SLC24A2: variants seen among roughly 807,000 people sequenced by gnomAD.
The protein encoded by SLC24A2 is solute carrier family 24 member 2.
In SLC24A2, 36 loss-of-function variants were observed where a neutral mutation model predicts 62.0. The observed-to-expected ratio is 0.58, with a 90% CI of 0.44 to 0.77. The LOEUF is 0.77. SLC24A2 is among the 30% of genes least tolerant of loss of function. The pLI, the probability that SLC24A2 is intolerant of heterozygous loss-of-function variation, is 0.00. For synonymous variants in SLC24A2, 358 were observed against 294.0 expected, an observed-to-expected ratio of 1.22 and a Z score of -2.23; for missense variants, 846 against 817.9, an observed-to-expected ratio of 1.03 and a Z score of -0.42.
chr9:19,554,846 GCCTATA>G (rs1417127741), intron 7 of SLC24A2, among the ~76,000 whole-genome samples: 1 of 152,164 alleles, frequency 6.6e-6, no homozygotes, highest in African/African-American at 2.4e-5. Context: ...GCCCTGGACT[GCCTATA>G]CTGACTTGAG....
In SLC24A2 at chr9:19,522,171, G is replaced by C. The variant is rs1385277346; in HGVS notation, c.1570-1111C>G. Among the ~76,000 whole-genome samples the C allele has an allele frequency of 3.9e-5, 6 of 152,022 alleles. No homozygotes were observed. The South Asian group carries it at 6.2e-4, about 16-fold the overall frequency. ...CCACAGGTGAGCACTGCCACACCTG[G>C]CTAGTTTTTTTTAGAGATGGTTCTT... is the stretch of plus-strand genomic sequence containing the variant. On this transcript the variant is annotated intron_variant, in intron 9 of 10. Coordinates refer to ENST00000341998, the MANE Select transcript of SLC24A2 (RefSeq NM_020344.4).
intron 10 of SLC24A2, among the ~76,000 whole-genome samples, chr9:19,517,957 A>ACACACACTCT (rs71504202): frequency 7.4e-6 from 1 of 135,480 alleles, no homozygotes; most frequent in African/African-American, 2.7e-5. Context: ...ACACACACAC[A>ACACACACTCT]CTCTCACACT....
chr9:19,903,449 C>T, the SLC24A2 span, among the ~76,000 whole-genome samples: 1 of 152,178 alleles, frequency 6.6e-6, no homozygotes, highest in African/African-American at 2.4e-5. Context: ...CCAAATACCA[C>T]CACATTGGGG....
the SLC24A2 span, among the ~76,000 whole-genome samples, chr9:19,830,946 T>TAA: frequency 1.3e-5 from 2 of 152,170 alleles, no homozygotes; most frequent in Non-Finnish European, 2.9e-5. Context: ...ACCTATTTGG[T>TAA]GAAGGGTATT....
the SLC24A2 span, among the ~76,000 whole-genome samples, chr9:20,243,816 C>T: frequency 1.3e-5 from 2 of 152,142 alleles, no homozygotes; most frequent in African/African-American, 2.4e-5. Context: ...CTCCTGGGTC[C>T]ATTTTTGAGG....
chr9:20,265,234 C>G, the SLC24A2 span, among the ~76,000 whole-genome samples: 1 of 152,182 alleles, frequency 6.6e-6, no homozygotes, highest in Non-Finnish European at 1.5e-5. Context: ...CAGACACAGT[C>G]TACTGTGTGG....
At chr9:19,576,523 CT>C (rs1836016942) in intron 6 of SLC24A2, among the ~76,000 whole-genome samples, 1 of 152,152 alleles carries the variant, frequency 6.6e-6, no homozygotes, top group Non-Finnish European at 1.5e-5. Flanking sequence ...CCAGTCAAGA[CT>C]TACAGAAAGG....
In SLC24A2 at chr9:19,558,690, C is replaced by G. The variant is rs528138421; in HGVS notation, c.1348-8422G>C. On this transcript the variant is annotated intron_variant, in intron 7 of 10. Transcript: ENST00000341998. Reference sequence around the variant, plus strand: ...TCAACATTCAGTGTTCAAAGGCCAACAGAGCCCCATGAGAAGAATATGCAC... The same window carrying G: ...TCAACATTCAGTGTTCAAAGGCCAAGAGAGCCCCATGAGAAGAATATGCAC... 1.1e-4 allele frequency among the ~76,000 whole-genome samples: 17 copies of G among 152,322 alleles called. No individual in the cohort carries two copies. In the South Asian group the frequency reaches 3.1e-3, roughly 28 times the overall value.
chr9:20,288,548 C>T, the SLC24A2 span, among the ~76,000 whole-genome samples: 1 of 151,986 alleles, frequency 6.6e-6, no homozygotes, highest in African/African-American at 2.4e-5. Context: ...GCAGGTGGAT[C>T]ATTTGAGGCC....
chr9:19,929,410 A>C, the SLC24A2 span: 1 of 152,218 alleles, frequency 6.6e-6, no homozygotes, highest in East Asian at 1.9e-4. Flanking sequence ...ACAATCATGC[A>C]CTGCATAACA....
chr9:19,738,376 G>T (rs1165038487), intron 2 of SLC24A2, among the ~76,000 whole-genome samples: 3 of 152,098 alleles, frequency 2.0e-5, no homozygotes, highest in African/African-American at 7.2e-5. Flanking sequence ...GGGTAAAAGT[G>T]GACATTTAGG....
chr9:19,823,297 T>TTGTG, the SLC24A2 span, among the ~76,000 whole-genome samples: 33 of 150,142 alleles, frequency 2.2e-4, no homozygotes, highest in Admixed American at 1.3e-3. Context: ...TGTATTAACA[T>TTGTG]TGTGTGTGTG....
intron 2 of SLC24A2, among the ~76,000 whole-genome samples, chr9:19,682,312 A>G (rs892892555): frequency 2.0e-5 from 3 of 152,168 alleles, no homozygotes; most frequent in African/African-American, 7.2e-5. Context: ...AGACGGTTGC[A>G]TACAGAAGTA....
chr9:20,084,821 G>A, the SLC24A2 span, among the ~76,000 whole-genome samples: 1 of 152,212 alleles, frequency 6.6e-6, no homozygotes, highest in Non-Finnish European at 1.5e-5. Context: ...ATTATGCTCA[G>A]TTTTGAAAAA....
At chr9:19,863,890 C>T in the SLC24A2 span, among the ~76,000 whole-genome samples, 8 of 151,242 alleles carry the variant, frequency 5.3e-5, no homozygotes, top group Admixed American at 1.3e-4. Flanking sequence ...AAAAGATCAA[C>T]GAAACAAAAA....
intron 5 of SLC24A2, among the ~76,000 whole-genome samples, chr9:19,588,806 C>T (rs1381363675): frequency 1.3e-5 from 2 of 152,136 alleles, no homozygotes; most frequent in Non-Finnish European, 2.9e-5. Context: ...ACTAAAAATA[C>T]AAAAATTAGC....
the SLC24A2 span, among the ~76,000 whole-genome samples, chr9:20,071,450 CG>C: frequency 1.3e-5 from 2 of 152,104 alleles, no homozygotes; most frequent in Non-Finnish European, 2.9e-5. Context: ...ACTTTGAGCT[CG>C]GGATGGAGGA....
chr9:19,641,199 T>C (rs1044044040), intron 2 of SLC24A2, among the ~76,000 whole-genome samples: 1 of 152,244 alleles, frequency 6.6e-6, no homozygotes, highest in African/African-American at 2.4e-5. Context: ...CTGTTGATTC[T>C]CTCATGGTTG....
At chr9:20,142,477 A>T in the SLC24A2 span, among the ~76,000 whole-genome samples, 1 of 145,624 alleles carries the variant, frequency 6.9e-6, no homozygotes, top group Non-Finnish European at 1.5e-5. Context: ...ATTAATTTAC[A>T]CTACGTTTGT....
Sources: allele counts gnomAD v4.1 joint callset (sites outside exome capture counted in the v4.1 genomes callset), GRCh38; gene constraint gnomAD v4.1.1; transcripts MANE v1.5; gene names NCBI Gene and HGNC (gene_info 2026-07-23, HGNC 2026-07-21).